CDH4: variants seen among roughly 807,000 people sequenced by gnomAD.
CDH4 encodes cadherin 4.
A neutral mutation model predicts 86.0 loss-of-function variants in CDH4; 33 were observed. The observed-to-expected ratio is 0.38, with a 90% CI of 0.29 to 0.51. CDH4 has a LOEUF of 0.51. CDH4 is among the 20% of genes least tolerant of loss of function. The probability of loss-of-function intolerance (pLI) is 0.86; values close to 1 mark genes in which losing one functional copy is unlikely to be tolerated. For missense variants in CDH4, 1,114 were observed against 1,307.4 expected (o/e 0.85, Z 2.28); for synonymous variants, 555 against 549.4 (o/e 1.01, Z -0.14).
rs1568898555 is a variant in CDH4 at position 61,934,124 on chromosome 20, G to A, written c.2448G>A (p.Val816=). ...ACGTGCCAAGCAAAGCCCCTGGCGT[G>A]CGTCGCGTGGATGAGCGGCCGGTGG... is the stretch of plus-strand genomic sequence containing the variant. ...MGHVPSKAPG[V]RRVDERPVGA... The change falls in exon 15 of 16, where the codon GTG becomes GTA. Residue 816 remains valine (V), a synonymous_variant. Coordinates refer to ENST00000614565, the MANE Select transcript of CDH4 (RefSeq NM_001794.5). 2.5e-6 allele frequency: 4 copies of A among 1,611,360 alleles called. No individual in the cohort carries two copies. Among genetic ancestry groups the A allele is most frequent in the Non-Finnish European group, 3.4e-6 (4 of 1,179,564 alleles).
intron 2 of CDH4, among the ~76,000 whole-genome samples, chr20:61,730,772 C>T (rs2088169730): frequency 1.3e-5 from 2 of 152,230 alleles, no homozygotes; most frequent in African/African-American, 4.8e-5. Context: ...GCAGGAGGGA[C>T]AGGAGCAGAT....
At chr20:61,345,437 A>C (rs2084673189) in intron 2 of CDH4, among the ~76,000 whole-genome samples, 1 of 152,228 alleles carries the variant, frequency 6.6e-6, no homozygotes, top group Non-Finnish European at 1.5e-5. Flanking sequence ...ATAATGTTTC[A>C]TTGAACATTC....
chr20:61,539,984 T>G (rs1600740660), intron 2 of CDH4, among the ~76,000 whole-genome samples: 1 of 152,140 alleles, frequency 6.6e-6, no homozygotes, highest in African/African-American at 2.4e-5. Context: ...ACCGTTCTCC[T>G]CCCCGATGCC....
rs1039696615 is a variant in CDH4, at chr20:61,582,326, C to T, written c.170-161237C>T. Among the ~76,000 whole-genome samples, 10 of 152,076 alleles carry T rather than the reference C, an allele frequency of 6.6e-5. No individual in the cohort carries two copies. Among genetic ancestry groups the T allele is most frequent in the South Asian group, 6.2e-4 (3 of 4,826 alleles). On this transcript the variant is annotated intron_variant, in intron 2 of 15. Transcript: ENST00000614565. The surrounding 1 kb of genome is among the most constrained non-coding windows in gnomAD (Gnocchi z 4.2). ...ATGAGCCAGGTGCCCTGCACGGATC[C>T]GCTCTCCTCCTTATTGTTCAAGCGC...
At chr20:61,825,170 G>A (rs1256371372) in intron 4 of CDH4, among the ~76,000 whole-genome samples, 1 of 152,050 alleles carries the variant, frequency 6.6e-6, no homozygotes, top group African/African-American at 2.4e-5. Flanking sequence ...CACCTTAGGA[G>A]GCCAAGGTGG....
At chr20:61,732,934 A>G (rs956000305) in intron 2 of CDH4, among the ~76,000 whole-genome samples, 2 of 152,324 alleles carry the variant, frequency 1.3e-5, no homozygotes, top group African/African-American at 4.8e-5. Flanking sequence ...CCTGTGCCAC[A>G]TGTGCTGGGA....
At chr20:61,304,153 C>T (rs942644689) in intron 2 of CDH4, among the ~76,000 whole-genome samples, 5 of 152,108 alleles carry the variant, frequency 3.3e-5, no homozygotes, top group African/African-American at 9.7e-5. Flanking sequence ...AAACTGTCTT[C>T]ACAGCCCCAG....
intron 8 of CDH4, among the ~76,000 whole-genome samples, chr20:61,908,321 C>T (rs965952380): frequency 6.6e-6 from 1 of 152,170 alleles, no homozygotes; most frequent in Non-Finnish European, 1.5e-5. Flanking sequence ...GGCTATCACT[C>T]ATTCCTTCAT....
At chr20:61,375,196 T>A (rs190417005) in intron 2 of CDH4, among the ~76,000 whole-genome samples, 205 of 152,316 alleles carry the variant, frequency 1.3e-3, no homozygotes, top group Non-Finnish European at 2.5e-3. Flanking sequence ...CTCAGAAATC[T>A]CTTCAGATAT....
intron 8 of CDH4, among the ~76,000 whole-genome samples, chr20:61,895,972 G>A (rs1985086970): frequency 6.6e-6 from 1 of 152,196 alleles, no homozygotes; most frequent in African/African-American, 2.4e-5. Context: ...GTCAGCGAGG[G>A]CTCCCAGAGT....
chr20:61,344,531 T>C (rs2084666443), intron 2 of CDH4, among the ~76,000 whole-genome samples: 1 of 152,246 alleles, frequency 6.6e-6, no homozygotes. Context: ...TTTTCATGAA[T>C]GGCCTCATGT....
In CDH4 at chr20:61,729,047, C is replaced by T. The variant is rs114157520; in HGVS notation, c.170-14516C>T. Among the ~76,000 whole-genome samples, 292 of 152,334 alleles carry T rather than the reference C, an allele frequency of 1.9e-3. 1 individual carries two copies. The highest frequency in any genetic ancestry group is 6.6e-3 in the African/African-American group (275 of 41,586). On this transcript the variant is annotated intron_variant, in intron 2 of 15. Transcript: ENST00000614565. ...GCCGGGAAGAATGTCAGTCTCCAGC[C>T]GTCCTCGCCCATGTGGGAATGACAA...
intron 2 of CDH4, among the ~76,000 whole-genome samples, chr20:61,640,519 A>C (rs1335643584): frequency 6.6e-6 from 1 of 152,088 alleles, no homozygotes; most frequent in Non-Finnish European, 1.5e-5. Context: ...GAGGGTTTAG[A>C]GAAGGGGAGG....
In CDH4 at chr20:61,338,676, C is replaced by T. The variant is rs534826011; in HGVS notation, c.169+83739C>T. Reference sequence around the variant, plus strand: ...TACTGTTTATTTGTAATAATAATACCAAGCACTTGCCCAATGCAGAGATTT... The same window carrying T: ...TACTGTTTATTTGTAATAATAATACTAAGCACTTGCCCAATGCAGAGATTT... On this transcript the variant is annotated intron_variant, in intron 2 of 15. Transcript: ENST00000614565. 4.6e-5 allele frequency among the ~76,000 whole-genome samples: 7 copies of T among 152,240 alleles called. No homozygotes were observed. The South Asian group carries it at 1.5e-3, about 32-fold the overall frequency.
intron 2 of CDH4, among the ~76,000 whole-genome samples, chr20:61,326,309 T>C (rs1466484893): frequency 6.6e-6 from 1 of 152,234 alleles, no homozygotes; most frequent in Non-Finnish European, 1.5e-5. Context: ...TTGAAACCTG[T>C]TGGTTTGCTG....
chr20:61,843,797 G>A (rs1279612775), intron 4 of CDH4, among the ~76,000 whole-genome samples: 3 of 152,084 alleles, frequency 2.0e-5, no homozygotes, highest in Non-Finnish European at 4.4e-5. Context: ...TGTGGGCTTT[G>A]AGAAAAAAAG....
Position 61,937,523 on chromosome 20 carries a change from T to C in CDH4, c.*580T>C, listed in dbSNP as rs2055210218. On this transcript the variant is annotated 3_prime_UTR_variant, in exon 16 of 16. Transcript: ENST00000614565. ...CCCAGCAGCCTTTGCTGTACACAGC[T>C]GGGGGTCTCTTGAGCCTCTTGGGAG... The C allele has an allele frequency of 6.6e-6, 1 of 152,174 alleles. No individual in the cohort carries two copies. The highest frequency in any genetic ancestry group is 1.5e-5 in the Non-Finnish European group (1 of 68,016). The allele number at this position is 152,174 out of a possible 1,614,324, so 9.4% of individuals were successfully genotyped here. A position where few individuals can be genotyped will look rare whatever the true frequency, so the allele number is the denominator to read the frequency against.
intron 2 of CDH4, among the ~76,000 whole-genome samples, chr20:61,404,139 A>C (rs1321760825): frequency 1.9e-5 from 1 of 52,290 alleles, no homozygotes; most frequent in African/African-American, 2.8e-4. Flanking sequence ...GGTGCAGCTG[A>C]GCTGCTACAG....
intron 9 of CDH4, 59 bp downstream of exon 9, chr20:61,910,666 T>A: frequency 6.9e-7 from 1 of 1,448,428 alleles, no homozygotes; most frequent in Non-Finnish European, 9.7e-7. Context: ...GCACACTCCC[T>A]AGGACCAGTC....
Sources: gnomAD v4.1 joint callset for allele counts (sites outside exome capture counted in the v4.1 genomes callset) on GRCh38, gnomAD v4.1.1 for gene constraint, Gnocchi (gnomAD v3.1) non-coding constraint, MANE v1.5 for transcripts, NCBI Gene and HGNC (gene_info 2026-07-23, HGNC 2026-07-21) for gene names.